EEFSEC: variants seen among roughly 807,000 people sequenced by gnomAD.
The protein encoded by EEFSEC is eukaryotic elongation factor, selenocysteine-tRNA specific.
A neutral mutation model predicts 42.1 loss-of-function variants in EEFSEC; 43 were observed. That is an observed-to-expected ratio of 1.02 (90% CI 0.80 to 1.32). EEFSEC has a LOEUF of 1.32. Among genes scored for constraint, EEFSEC ranks in the 40% most tolerant of loss-of-function variants. The pLI, the probability that EEFSEC is intolerant of heterozygous loss-of-function variation, is 0.00. For synonymous variants in EEFSEC, 354 were observed against 339.1 expected, an observed-to-expected ratio of 1.04 and a Z score of -0.48; for missense variants, 745 against 803.6, an observed-to-expected ratio of 0.93 and a Z score of 0.88.
At chr3:128,166,122 C>T (rs1456977023) in intron 1 of EEFSEC, among the ~76,000 whole-genome samples, 1 of 152,210 alleles carries the variant, frequency 6.6e-6, no homozygotes, top group Non-Finnish European at 1.5e-5. Context: ...AAGAAGGACT[C>T]CATTTCTTCG....
intron 4 of EEFSEC, among the ~76,000 whole-genome samples, chr3:128,280,669 C>A (rs1043420675): frequency 9.2e-5 from 14 of 152,236 alleles, no homozygotes; most frequent in Non-Finnish European, 1.6e-4. Flanking sequence ...GCAGTGCCCT[C>A]CTTGCCTCTG....
chr3:128,401,753 A>C (rs1221845648), intron 6 of EEFSEC, among the ~76,000 whole-genome samples: 2 of 152,036 alleles, frequency 1.3e-5, no homozygotes, highest in Admixed American at 6.5e-5. Flanking sequence ...ATGAGGGAGG[A>C]GGCAGCGAGG....
chr3:128,271,183 C>G (rs776485853), intron 4 of EEFSEC, among the ~76,000 whole-genome samples: 74 of 152,234 alleles, frequency 4.9e-4, no homozygotes, highest in South Asian at 1.2e-3. Context: ...GGGGCTGTGC[C>G]CCTGTCTTCA....
chr3:128,385,564 T>A (rs1041122015), intron 6 of EEFSEC, among the ~76,000 whole-genome samples: 3 of 152,250 alleles, frequency 2.0e-5, no homozygotes, highest in African/African-American at 7.2e-5. Context: ...CTCAGTGAGC[T>A]TGCCATGCAC....
At chr3:128,377,038 C>A (rs1210458106) in intron 6 of EEFSEC, among the ~76,000 whole-genome samples, 6 of 152,150 alleles carry the variant, frequency 3.9e-5, no homozygotes, top group African/African-American at 1.4e-4. Context: ...AAAAACCTCA[C>A]AAACTGTTTT....
intron 2 of EEFSEC, among the ~76,000 whole-genome samples, chr3:128,250,165 GA>G (rs2066169957): frequency 1.3e-5 from 2 of 152,148 alleles, no homozygotes; most frequent in African/African-American, 4.8e-5. Flanking sequence ...TCCCTTGTCA[GA>G]GATATGATTT....
rs1321679706 is a variant in EEFSEC, at chr3:128,153,926, C to A, written c.316+103C>A. ...GCCTTTGCCGGGACGGGAAATCGCC[C>A]CACCTCATTGGTGGGGCTCCTGACG... is the stretch of plus-strand genomic sequence containing the variant. On this transcript the variant is annotated intron_variant, in intron 1 of 6. Coordinates refer to ENST00000254730, the MANE Select transcript of EEFSEC (RefSeq NM_021937.5). 9 of 1,400,328 alleles carry A rather than the reference C, an allele frequency of 6.4e-6. 1 individual carries two copies. In the African/African-American group the frequency reaches 1.4e-4, roughly 21 times the overall value. 86.7% of individuals were successfully genotyped at this position (1,400,328 alleles called of 1,614,324 possible).
chr3:128,421,717 G>A, the EEFSEC span, among the ~76,000 whole-genome samples: 1 of 152,190 alleles, frequency 6.6e-6, no homozygotes, highest in Non-Finnish European at 1.5e-5. Flanking sequence ...CTGGTGGCCT[G>A]GGCCTATCTC....
chr3:128,344,462 C>T (rs961726725), intron 5 of EEFSEC, among the ~76,000 whole-genome samples: 4 of 152,208 alleles, frequency 2.6e-5, no homozygotes, highest in Non-Finnish European at 5.9e-5. Context: ...AAGTTTTCTT[C>T]CTACGAACCC....
intron 1 of EEFSEC, among the ~76,000 whole-genome samples, chr3:128,158,030 C>A (rs1337500198): frequency 5.9e-5 from 9 of 152,054 alleles, no homozygotes; most frequent in African/African-American, 1.7e-4. Flanking sequence ...TCAACAGTAA[C>A]AATAATTTGG....
intron 5 of EEFSEC, among the ~76,000 whole-genome samples, chr3:128,357,794 G>GC (rs2067473836): frequency 1.4e-5 from 2 of 144,522 alleles, no homozygotes; most frequent in Admixed American, 6.8e-5. Context: ...GGTCATTGTG[G>GC]CCCCCCAGGG....
intron 6 of EEFSEC, among the ~76,000 whole-genome samples, chr3:128,367,407 T>C (rs1280319227): frequency 2.6e-5 from 4 of 152,210 alleles, no homozygotes; most frequent in African/African-American, 9.6e-5. Flanking sequence ...CCTTCGGAAG[T>C]GGCATTGCAC....
At chr3:128,420,142 C>A in the EEFSEC span, among the ~76,000 whole-genome samples, 4 of 152,164 alleles carry the variant, frequency 2.6e-5, no homozygotes, top group African/African-American at 7.2e-5. Context: ...AAAGAGAAAA[C>A]AGACAGAGAG....
intron 4 of EEFSEC, among the ~76,000 whole-genome samples, chr3:128,315,487 A>G (rs1192716204): frequency 6.6e-6 from 1 of 152,200 alleles, no homozygotes; most frequent in Non-Finnish European, 1.5e-5. Context: ...CCACACGGCC[A>G]ATAAGATGTA....
rs372122796 is a variant in EEFSEC at position 128,332,048 on chromosome 3, T to C, written c.787-9185T>C. ...TAGCAACTCACATGTCCATTAAGGG[T>C]ATGGATAAATGACATATAAAGAAAT... is the stretch of plus-strand genomic sequence containing the variant. On this transcript the variant is annotated intron_variant, in intron 4 of 6. Transcript: ENST00000254730. Among the ~76,000 whole-genome samples, 3 of 152,148 alleles carry C rather than the reference T, an allele frequency of 2.0e-5. No homozygotes were observed. In the East Asian group the frequency reaches 5.8e-4, roughly 29 times the overall value.
the EEFSEC span, among the ~76,000 whole-genome samples, chr3:128,419,097 G>C: frequency 6.6e-6 from 1 of 152,232 alleles, no homozygotes; most frequent in Non-Finnish European, 1.5e-5. Context: ...GTGGGAATTT[G>C]ATGCTATTAG....
chr3:128,304,606 A>G (rs2066806568), intron 4 of EEFSEC, among the ~76,000 whole-genome samples: 1 of 152,010 alleles, frequency 6.6e-6, no homozygotes, highest in African/African-American at 2.4e-5. Context: ...TCTTCCTTTT[A>G]AATGTTTAGA....
At chr3:128,403,993 T>C (rs1413033102) in intron 6 of EEFSEC, among the ~76,000 whole-genome samples, 1 of 152,256 alleles carries the variant, frequency 6.6e-6, no homozygotes, top group Non-Finnish European at 1.5e-5. Flanking sequence ...TCTCCTGTTC[T>C]GGCATGTTCC....
At chr3:128,291,610 G>A (rs1437459080) in intron 4 of EEFSEC, among the ~76,000 whole-genome samples, 1 of 152,156 alleles carries the variant, frequency 6.6e-6, no homozygotes, top group African/African-American at 2.4e-5. Flanking sequence ...GCACAAAGTG[G>A]ACTTAAGACA....
Sources: allele counts gnomAD v4.1 joint callset (sites outside exome capture counted in the v4.1 genomes callset), GRCh38; gene constraint gnomAD v4.1.1; transcripts MANE v1.5; gene names NCBI Gene and HGNC (gene_info 2026-07-23, HGNC 2026-07-21).